The following KCNIP4 variants were observed in gnomAD, a reference collection of about 807,000 sequenced individuals.
KCNIP4 encodes the protein potassium voltage-gated channel interacting protein 4, also known as Kv channel-interacting protein 4.
In KCNIP4, 12 loss-of-function variants were observed where a neutral mutation model predicts 34.0. That is an observed-to-expected ratio of 0.35 (90% CI 0.23 to 0.57). The LOEUF is 0.57. KCNIP4 is among the 20% of genes least tolerant of loss of function. The pLI is 0.83. For missense variants in KCNIP4, 238 were observed against 311.7 expected, an observed-to-expected ratio of 0.76 and a Z score of 1.78; for synonymous variants, 124 against 102.2, an observed-to-expected ratio of 1.21 and a Z score of -1.29.
chr4:20,855,424 T>C (rs180739349), intron 2 of KCNIP4, among the ~76,000 whole-genome samples: 157 of 152,276 alleles, frequency 1.0e-3, no homozygotes, highest in Non-Finnish European at 2.0e-3. Context: ...TCAGCTCCTC[T>C]CATCCCAGAG....
At chr4:21,813,908 G>C (rs1186598453) in intron 1 of KCNIP4, among the ~76,000 whole-genome samples, 2 of 152,116 alleles carry the variant, frequency 1.3e-5, no homozygotes, top group African/African-American at 4.8e-5. Context: ...AATCATTCAT[G>C]TCCTAGATCT....
chr4:21,289,986 A>T (rs537574746), intron 1 of KCNIP4, among the ~76,000 whole-genome samples: 1 of 152,324 alleles, frequency 6.6e-6, no homozygotes, highest in South Asian at 2.1e-4. Context: ...AAGAATCAGA[A>T]AACTAAAGCT....
chr4:21,619,666 A>G (rs751813577), intron 1 of KCNIP4, among the ~76,000 whole-genome samples: 1 of 152,200 alleles, frequency 6.6e-6, no homozygotes, highest in Non-Finnish European at 1.5e-5. Flanking sequence ...GTATTCACCA[A>G]ATATATAAAT....
At chr4:21,688,543 T>C (rs1414591767) in intron 1 of KCNIP4, among the ~76,000 whole-genome samples, 1 of 152,156 alleles carries the variant, frequency 6.6e-6, no homozygotes, top group African/African-American at 2.4e-5. Context: ...AGACAACTTG[T>C]ACTATCAGAG....
At chr4:21,278,752 C>A (rs1378659488) in intron 1 of KCNIP4, among the ~76,000 whole-genome samples, 1 of 151,912 alleles carries the variant, frequency 6.6e-6, no homozygotes, top group Non-Finnish European at 1.5e-5. Flanking sequence ...TCCCCAAGGG[C>A]AGAGGGGAGA....
chr4:21,322,465 T>C (rs116592429), intron 1 of KCNIP4, among the ~76,000 whole-genome samples: 4,494 of 152,158 alleles, frequency 0.03, 101 homozygotes, highest in Middle Eastern at 0.068. Context: ...CACATAACAG[T>C]TACTGTAATT....
Position 21,203,024 on chromosome 4 carries a change from C to T in KCNIP4, c.62-320315G>A, listed in dbSNP as rs1756598862. ...CACAAGTCCAAGCTCAGTTCACATCCTCCACAAATAACGAATACTTGGCTA... is the reference window on the plus strand; with the variant it reads ...CACAAGTCCAAGCTCAGTTCACATCTTCCACAAATAACGAATACTTGGCTA... On this transcript the variant is annotated intron_variant, in intron 1 of 8. Transcript: ENST00000382152. Among the ~76,000 whole-genome samples the T allele has an allele frequency of 2.6e-5, 4 of 152,210 alleles. No individual in the cohort carries two copies. In the South Asian group the frequency reaches 8.3e-4, roughly 32 times the overall value.
intron 3 of KCNIP4, among the ~76,000 whole-genome samples, chr4:20,778,325 A>G (rs1053951600): frequency 6.6e-6 from 1 of 152,212 alleles, no homozygotes; most frequent in Non-Finnish European, 1.5e-5. Context: ...CAACCATAAC[A>G]TTGACCAATA....
At chr4:21,237,596 A>G (rs1759462520) in intron 1 of KCNIP4, among the ~76,000 whole-genome samples, 1 of 152,218 alleles carries the variant, frequency 6.6e-6, no homozygotes, top group South Asian at 2.1e-4. Context: ...AGAATACTAT[A>G]AACACCTCTA....
chr4:21,192,863 T>A (rs980462921), intron 1 of KCNIP4, among the ~76,000 whole-genome samples: 2 of 151,364 alleles, frequency 1.3e-5, no homozygotes, highest in Non-Finnish European at 1.5e-5. Flanking sequence ...TGAGACCAAC[T>A]TGGGTAACAT....
At chr4:21,392,708 A>G (rs972158877) in intron 1 of KCNIP4, among the ~76,000 whole-genome samples, 1 of 152,218 alleles carries the variant, frequency 6.6e-6, no homozygotes, top group Admixed American at 6.5e-5. Flanking sequence ...TAGACTAACA[A>G]ACTCAAAACA....
chr4:21,737,509 T>C (rs1716072879), intron 1 of KCNIP4, among the ~76,000 whole-genome samples: 1 of 152,134 alleles, frequency 6.6e-6, no homozygotes, highest in African/African-American at 2.4e-5. Context: ...TTTTTAAAAA[T>C]GAGATACTAA....
chr4:21,491,873 G>A (rs903577174), intron 1 of KCNIP4, among the ~76,000 whole-genome samples: 1 of 152,084 alleles, frequency 6.6e-6, no homozygotes, highest in African/African-American at 2.4e-5. Context: ...AAAACCCAGG[G>A]GAATATCTTA....
chr4:21,439,467 AG>A (rs1181962133), intron 1 of KCNIP4, among the ~76,000 whole-genome samples: 1 of 152,214 alleles, frequency 6.6e-6, no homozygotes, highest in Admixed American at 6.5e-5. Context: ...AATACAACAA[AG>A]CCCCTTCCCA....
At chr4:21,094,635 A>T (rs552121063) in intron 1 of KCNIP4, among the ~76,000 whole-genome samples, 1 of 152,288 alleles carries the variant, frequency 6.6e-6, no homozygotes, top group African/African-American at 2.4e-5. Context: ...TGTAACCAAT[A>T]TGTTACTGCA....
intron 1 of KCNIP4, among the ~76,000 whole-genome samples, chr4:20,914,453 C>T (rs1458283424): frequency 1.3e-5 from 2 of 152,072 alleles, no homozygotes; most frequent in African/African-American, 4.8e-5. Context: ...AGAAAATGGC[C>T]CTCACCAGAC....
chr4:21,137,029 G>T (rs1032803050), intron 1 of KCNIP4, among the ~76,000 whole-genome samples: 2 of 151,946 alleles, frequency 1.3e-5, no homozygotes, highest in African/African-American at 4.8e-5. Context: ...CCATTCCTTT[G>T]ATCAACCCTA....
chr4:21,764,709 CTTTCCA>C (rs1718288569), intron 1 of KCNIP4, among the ~76,000 whole-genome samples: 1 of 152,008 alleles, frequency 6.6e-6, no homozygotes, highest in African/African-American at 2.4e-5. Flanking sequence ...CTTTTCTGCC[CTTTCCA>C]CCAAGGGCTC....
chr4:20,955,653 G>GA (rs1261345053), intron 1 of KCNIP4, among the ~76,000 whole-genome samples: 219 of 149,138 alleles, frequency 1.5e-3, no homozygotes, highest in African/African-American at 3.5e-3. Flanking sequence ...TGAATAGAGT[G>GA]AAAAAAAAAA....
Sources: allele counts gnomAD v4.1 joint callset (sites outside exome capture counted in the v4.1 genomes callset), GRCh38; gene constraint gnomAD v4.1.1; transcripts MANE v1.5; gene names NCBI Gene and HGNC (gene_info 2026-07-23, HGNC 2026-07-21).